TRABD2B: variants seen among roughly 807,000 people sequenced by gnomAD.
The protein encoded by TRABD2B is metalloprotease TIKI2.
Under a neutral mutation model 40.1 loss-of-function variants are expected in TRABD2B, and 14 were observed. That is an observed-to-expected ratio of 0.35 (90% confidence interval 0.23 to 0.55). The LOEUF (loss-of-function observed/expected upper bound fraction) is 0.55, where lower values mean the gene tolerates loss of function less well. TRABD2B is among the 20% of genes least tolerant of loss of function. TRABD2B has a pLI of 0.90. For synonymous variants in TRABD2B, 263 were observed against 277.0 expected, an observed-to-expected ratio of 0.95 and a Z score of 0.50; for missense variants, 541 against 648.6, an observed-to-expected ratio of 0.83 and a Z score of 1.80.
intron 2 of TRABD2B, among the ~76,000 whole-genome samples, chr1:47,906,153 G>GA: frequency 6.6e-6 from 1 of 152,272 alleles, no homozygotes. Flanking sequence ...CCCTCCTGTG[G>GA]CACTGACTAA....
intron 2 of TRABD2B, among the ~76,000 whole-genome samples, chr1:47,900,288 T>A (rs1349198784): frequency 1.3e-5 from 2 of 151,940 alleles, no homozygotes; most frequent in Admixed American, 6.6e-5. Flanking sequence ...GGGTTTAGGG[T>A]TCCTAAGGCA....
At chr1:47,913,958 C>T (rs762707474) in intron 2 of TRABD2B, among the ~76,000 whole-genome samples, 2 of 152,160 alleles carry the variant, frequency 1.3e-5, no homozygotes, top group Non-Finnish European at 2.9e-5. Context: ...GTTCAGCAAC[C>T]GAATAAATGG....
chr1:47,828,035 C>T (rs1356757301), intron 2 of TRABD2B, among the ~76,000 whole-genome samples: 1 of 152,182 alleles, frequency 6.6e-6, no homozygotes, highest in African/African-American at 2.4e-5. Context: ...CTAGGATCCT[C>T]AGTTTCCTCC....
chr1:47,840,873 AC>A (rs1645387430), intron 2 of TRABD2B, among the ~76,000 whole-genome samples: 1 of 152,098 alleles, frequency 6.6e-6, no homozygotes, highest in Admixed American at 6.5e-5. Flanking sequence ...GCTGTAGCTC[AC>A]CTGCCAATTC....
intron 2 of TRABD2B, among the ~76,000 whole-genome samples, chr1:47,906,211 A>C (rs942567213): frequency 5.3e-5 from 8 of 152,244 alleles, no homozygotes; most frequent in Non-Finnish European, 1.2e-4. Context: ...TGTTGTGCAC[A>C]CAGTGTACCA....
intron 2 of TRABD2B, among the ~76,000 whole-genome samples, chr1:47,909,146 A>T (rs930922158): frequency 1.3e-5 from 2 of 152,242 alleles, no homozygotes; most frequent in Non-Finnish European, 2.9e-5. Context: ...ACATCTATTA[A>T]ATACGTGTGG....
At chr1:47,945,359 A>T (rs989566594) in intron 2 of TRABD2B, among the ~76,000 whole-genome samples, 3 of 152,152 alleles carry the variant, frequency 2.0e-5, no homozygotes, top group African/African-American at 7.2e-5. Context: ...AAACATTTGC[A>T]TGCTTTCTGC....
intron 5 of TRABD2B, among the ~76,000 whole-genome samples, chr1:47,778,188 C>T (rs564929028): frequency 1.3e-5 from 2 of 152,308 alleles, no homozygotes; most frequent in Admixed American, 6.5e-5. Flanking sequence ...CTACCCCCGA[C>T]CCAACCCACC....
intron 3 of TRABD2B, among the ~76,000 whole-genome samples, chr1:47,800,824 A>T (rs1644812909): frequency 6.6e-6 from 1 of 152,196 alleles, no homozygotes. Context: ...AGAAGCTTGA[A>T]AAGACAAGGT....
intron 4 of TRABD2B, among the ~76,000 whole-genome samples, chr1:47,792,367 G>A (rs7516930): frequency 0.38 from 58,103 of 152,110 alleles, 11,329 homozygotes; most frequent in East Asian, 0.51. Flanking sequence ...CCTCTGAGGC[G>A]AGCATGGGAG....
intron 2 of TRABD2B, among the ~76,000 whole-genome samples, chr1:47,863,903 T>C (rs1316884721): frequency 6.6e-6 from 1 of 152,196 alleles, no homozygotes; most frequent in Non-Finnish European, 1.5e-5. Context: ...GCCAATGGAC[T>C]ATTACACAGC....
intron 4 of TRABD2B, among the ~76,000 whole-genome samples, chr1:47,788,288 C>T (rs932614292): frequency 6.6e-6 from 1 of 152,196 alleles, no homozygotes; most frequent in East Asian, 1.9e-4. Flanking sequence ...TCTTATATCT[C>T]TCCCTTCTCT....
intron 2 of TRABD2B, among the ~76,000 whole-genome samples, chr1:47,895,987 C>T (rs1421318106): frequency 6.6e-6 from 1 of 152,242 alleles, no homozygotes; most frequent in African/African-American, 2.4e-5. Context: ...GGACTCATTC[C>T]AGCAATGGCT....
chr1:47,786,980 C>T (rs998528848), intron 4 of TRABD2B, among the ~76,000 whole-genome samples: 1 of 152,152 alleles, frequency 6.6e-6, no homozygotes, highest in Non-Finnish European at 1.5e-5. Context: ...GCTGGGACTA[C>T]AAATGTGAGC....
At position 47,763,059 on chromosome 1, in the gene TRABD2B, C is replaced by A. The variant is rs763867179; in HGVS notation, c.*2843G>T. 2 of 152,172 alleles carry A rather than the reference C, an allele frequency of 1.3e-5. No homozygotes were observed. The highest frequency in any genetic ancestry group is 2.9e-5 in the Non-Finnish European group (2 of 68,046). The allele number at this position is 152,172 out of a possible 1,614,324, so 9.4% of individuals were successfully genotyped here. On this transcript the variant is annotated 3_prime_UTR_variant, in exon 7 of 7. Coordinates refer to ENST00000606738, the MANE Select transcript of TRABD2B (RefSeq NM_001194986.2). ...AACAGGAGCATTTTATGAGGCTGGG[C>A]ACAAAGAACGTTTCTGGAAGAAATG...
At chr1:47,850,223 C>T (rs189958884) in intron 2 of TRABD2B, among the ~76,000 whole-genome samples, 2 of 152,156 alleles carry the variant, frequency 1.3e-5, no homozygotes, top group African/African-American at 4.8e-5. Context: ...TCCCTCTCAG[C>T]CAGGACAGGG....
intron 2 of TRABD2B, among the ~76,000 whole-genome samples, chr1:47,895,002 GC>G (rs1458123510): frequency 2.0e-5 from 3 of 152,134 alleles, no homozygotes; most frequent in Admixed American, 2.0e-4. Flanking sequence ...CCCAGTCCTG[GC>G]TCAGCTTCCT....
chr1:47,861,227 CGAG>C (rs1409021144), intron 2 of TRABD2B, among the ~76,000 whole-genome samples: 1 of 151,408 alleles, frequency 6.6e-6, no homozygotes, highest in Non-Finnish European at 1.5e-5. Flanking sequence ...TTTCCCATCC[CGAG>C]GAGACATTCA....
At chr1:47,768,331 G>T (rs369395385) in intron 6 of TRABD2B, among the ~76,000 whole-genome samples, 46 of 20,046 alleles carry the variant, frequency 2.3e-3, no homozygotes, top group South Asian at 2.0e-3. Context: ...GTGTGGAAGT[G>T]GGGGGGGAGG....
Sources: gnomAD v4.1 joint callset for allele counts (sites outside exome capture counted in the v4.1 genomes callset) on GRCh38, gnomAD v4.1.1 for gene constraint, MANE v1.5 for transcripts, NCBI Gene and HGNC (gene_info 2026-07-23, HGNC 2026-07-21) for gene names.